The following IMMP2L variants were observed in gnomAD, a reference collection of about 807,000 sequenced individuals.
IMMP2L encodes the protein mitochondrial inner membrane protease subunit 2.
A neutral mutation model predicts 19.3 loss-of-function variants in IMMP2L; 18 were observed. That is an observed-to-expected ratio of 0.93 (90% CI 0.64 to 1.38). IMMP2L has a LOEUF of 1.38. IMMP2L is among the 40% of genes most tolerant of loss of function. The pLI is 0.00. For synonymous variants in IMMP2L, 76 were observed against 73.0 expected, an observed-to-expected ratio of 1.04 and a Z score of -0.21; for missense variants, 233 against 218.2, an observed-to-expected ratio of 1.07 and a Z score of -0.43.
chr7:110,696,571 C>A (rs184840800), intron 5 of IMMP2L, among the ~76,000 whole-genome samples: 13 of 151,938 alleles, frequency 8.6e-5, no homozygotes, highest in African/African-American at 3.1e-4. Context: ...GGATTACAGG[C>A]ACCTGCCACC....
intron 1 of IMMP2L, among the ~76,000 whole-genome samples, chr7:111,539,044 TGA>T (rs201901096): frequency 0.016 from 2,411 of 148,662 alleles, 52 homozygotes; most frequent in Middle Eastern, 0.087. Flanking sequence ...TGCTTGAACC[TGA>T]GAGACGGAGG....
intron 3 of IMMP2L, among the ~76,000 whole-genome samples, chr7:111,342,051 G>C (rs1827060551): frequency 1.3e-5 from 2 of 152,064 alleles, no homozygotes; most frequent in African/African-American, 4.8e-5. Context: ...GGCTGTTATA[G>C]CGGCACAAAA....
chr7:111,293,197 A>G (rs1350761362), intron 3 of IMMP2L, among the ~76,000 whole-genome samples: 2 of 151,998 alleles, frequency 1.3e-5, no homozygotes, highest in Admixed American at 1.3e-4. Context: ...TGAGCATTAG[A>G]CCAAAAGACT....
intron 5 of IMMP2L, among the ~76,000 whole-genome samples, chr7:110,772,523 C>T (rs545687903): frequency 6.6e-6 from 1 of 152,156 alleles, no homozygotes; most frequent in Admixed American, 6.6e-5. Context: ...CCTACACTGG[C>T]TATGACCAGC....
At chr7:111,111,232 C>T (rs1320953506) in intron 3 of IMMP2L, among the ~76,000 whole-genome samples, 3 of 147,368 alleles carry the variant, frequency 2.0e-5, no homozygotes, top group Admixed American at 6.8e-5. Flanking sequence ...GTGCTCTAGT[C>T]ATGTACAACC....
intron 3 of IMMP2L, among the ~76,000 whole-genome samples, chr7:111,066,799 T>G (rs189549899): frequency 3.9e-5 from 6 of 152,234 alleles, no homozygotes; most frequent in African/African-American, 1.4e-4. Context: ...TCTACCAATA[T>G]GAATTACGGT....
chr7:110,667,537 C>T (rs1008902383), intron 5 of IMMP2L, among the ~76,000 whole-genome samples: 3 of 152,136 alleles, frequency 2.0e-5, no homozygotes, highest in Non-Finnish European at 4.4e-5. Context: ...GGGTCCTAAA[C>T]AGTGAAAGCA....
intron 5 of IMMP2L, among the ~76,000 whole-genome samples, chr7:110,880,204 G>C (rs959409121): frequency 2.0e-5 from 3 of 151,912 alleles, no homozygotes; most frequent in African/African-American, 7.2e-5. Context: ...ATGTCTAAAA[G>C]TGTAGTTATC....
At chr7:111,541,377 G>T (rs1848492212) in intron 1 of IMMP2L, among the ~76,000 whole-genome samples, 1 of 152,150 alleles carries the variant, frequency 6.6e-6, no homozygotes, top group Non-Finnish European at 1.5e-5. Flanking sequence ...CAAGTGGGTA[G>T]TTGGGTAATA....
chr7:110,972,935 T>C (rs1455758533), intron 3 of IMMP2L, among the ~76,000 whole-genome samples: 1 of 152,094 alleles, frequency 6.6e-6, no homozygotes, highest in Non-Finnish European at 1.5e-5. Flanking sequence ...TTCCTATGTT[T>C]GTCCTTTCCC....
In IMMP2L at chr7:111,213,824, G is replaced by A. The variant is rs975375908; in HGVS notation, c.240-250259C>T. ...ACCTGCCTGCGGAGAGCTATCCAAC[G>A]TGGGTCTCCTCGGAGCTGTTCTGTT... On this transcript the variant is annotated intron_variant, in intron 3 of 5. Transcript: ENST00000405709. The surrounding 1 kb of genome is among the most constrained non-coding windows in gnomAD (Gnocchi z 4.8). Among the ~76,000 whole-genome samples the A allele has an allele frequency of 1.3e-5, 2 of 152,174 alleles. No individual in the cohort carries two copies. The highest frequency in any genetic ancestry group is 3.9e-4 in the East Asian group (2 of 5,190).
chr7:111,289,814 T>C (rs939201652), intron 3 of IMMP2L, among the ~76,000 whole-genome samples: 7 of 151,982 alleles, frequency 4.6e-5, no homozygotes, highest in African/African-American at 1.7e-4. Flanking sequence ...GTATACCTAC[T>C]GTTCTTATGC....
intron 3 of IMMP2L, among the ~76,000 whole-genome samples, chr7:110,981,156 C>T (rs568536037): frequency 3.9e-5 from 6 of 151,958 alleles, no homozygotes; most frequent in Non-Finnish European, 7.4e-5. Context: ...ACTTTCCATA[C>T]TGTGTGTTTG....
At chr7:111,471,704 A>G (rs73426230) in intron 3 of IMMP2L, among the ~76,000 whole-genome samples, 3,392 of 152,214 alleles carry the variant, frequency 0.022, 137 homozygotes, top group African/African-American at 0.077. Flanking sequence ...AATCACATAT[A>G]TGGCTCACGT....
At chr7:111,485,877 T>G (rs1356093716) in intron 3 of IMMP2L, among the ~76,000 whole-genome samples, 1 of 152,010 alleles carries the variant, frequency 6.6e-6, no homozygotes, top group Non-Finnish European at 1.5e-5. Flanking sequence ...TCAGCATGTT[T>G]CTCACGGGAA....
chr7:111,135,051 A>G (rs376494200), intron 3 of IMMP2L, among the ~76,000 whole-genome samples: 4 of 152,152 alleles, frequency 2.6e-5, no homozygotes, highest in South Asian at 2.1e-4. Flanking sequence ...ACTCAGGCCA[A>G]TTGTTTCAGT....
chr7:111,533,116 G>C (rs150089539), intron 1 of IMMP2L, among the ~76,000 whole-genome samples: 284 of 152,262 alleles, frequency 1.9e-3, no homozygotes, highest in African/African-American at 6.4e-3. Flanking sequence ...CAAGAGGCCA[G>C]AGTATAAAGC....
chr7:110,861,611 T>G (rs1473258126), intron 5 of IMMP2L, among the ~76,000 whole-genome samples: 2 of 151,780 alleles, frequency 1.3e-5, no homozygotes, highest in African/African-American at 4.9e-5. Context: ...ACCAAAACTT[T>G]GTGAAGCCTT....
At chr7:111,021,700 T>C (rs528004719) in intron 3 of IMMP2L, among the ~76,000 whole-genome samples, 56 of 152,308 alleles carry the variant, frequency 3.7e-4, no homozygotes, top group African/African-American at 1.2e-3. Flanking sequence ...CGGGCCAACA[T>C]GGTGAAACAC....
Sources: gnomAD v4.1 joint callset for allele counts (sites outside exome capture counted in the v4.1 genomes callset) on GRCh38, gnomAD v4.1.1 for gene constraint, Gnocchi (gnomAD v3.1) non-coding constraint, MANE v1.5 for transcripts, NCBI Gene and HGNC (gene_info 2026-07-23, HGNC 2026-07-21) for gene names.